The following RNF152 variants were observed in gnomAD, a reference collection of about 807,000 sequenced individuals.
The protein encoded by RNF152 is E3 ubiquitin-protein ligase RNF152.
In RNF152, 11 loss-of-function variants were observed where a neutral mutation model predicts 12.7. That is an observed-to-expected ratio of 0.86 (90% CI 0.54 to 1.43). The LOEUF is 1.43. Among genes scored for constraint, RNF152 ranks in the 40% most tolerant of loss-of-function variants. RNF152 has a pLI of 0.00. For synonymous variants in RNF152, 113 were observed against 120.3 expected, an observed-to-expected ratio of 0.94 and a Z score of 0.40; for missense variants, 255 against 274.8, an observed-to-expected ratio of 0.93 and a Z score of 0.51.
At chr18:61,831,247 C>T (rs1339854110) in intron 1 of RNF152, among the ~76,000 whole-genome samples, 1 of 152,194 alleles carries the variant, frequency 6.6e-6, no homozygotes, top group Non-Finnish European at 1.5e-5. Context: ...TAGTCCACAG[C>T]CACTTCTCGT....
chr18:61,852,352 G>A (rs1432938868), intron 1 of RNF152, among the ~76,000 whole-genome samples: 2 of 152,212 alleles, frequency 1.3e-5, no homozygotes, highest in African/African-American at 4.8e-5. Context: ...AATGTTGGCT[G>A]ATTGAAAATG....
At chr18:61,864,459 T>A (rs1911638442) in intron 1 of RNF152, among the ~76,000 whole-genome samples, 1 of 152,224 alleles carries the variant, frequency 6.6e-6, no homozygotes, top group South Asian at 2.1e-4. Context: ...AGAGCTTCCA[T>A]GACCTCTTGG....
intron 1 of RNF152, among the ~76,000 whole-genome samples, chr18:61,864,889 G>A (rs931358854): frequency 1.6e-4 from 24 of 152,130 alleles, no homozygotes; most frequent in South Asian, 4.1e-4. Context: ...GCGTGGTGGC[G>A]CGTGCCTGTA....
At chr18:61,856,115 C>A (rs182255642) in intron 1 of RNF152, among the ~76,000 whole-genome samples, 1 of 152,122 alleles carries the variant, frequency 6.6e-6, no homozygotes, top group Non-Finnish European at 1.5e-5. Context: ...CTTCCAAGTT[C>A]TTTTCCAATT....
intron 1 of RNF152, 72 bp from the exon 2 acceptor site, chr18:61,816,670 T>C (rs552120980): frequency 1.0e-4 from 55 of 548,780 alleles, no homozygotes; most frequent in African/African-American, 9.9e-4. Flanking sequence ...ATCTAATGGA[T>C]TTATACCATT....
intron 1 of RNF152, among the ~76,000 whole-genome samples, chr18:61,865,603 T>C (rs575502440): frequency 6.6e-6 from 1 of 152,242 alleles, no homozygotes; most frequent in African/African-American, 2.4e-5. Flanking sequence ...AAGTACTAGA[T>C]AATCCCCTGC....
intron 1 of RNF152, among the ~76,000 whole-genome samples, chr18:61,863,286 T>A (rs1051678185): frequency 6.6e-6 from 1 of 151,840 alleles, no homozygotes; most frequent in Non-Finnish European, 1.5e-5. Flanking sequence ...TACAAAAAAA[T>A]TAGCCAGGCG....
chr18:61,820,860 GT>G (rs1382229904), intron 1 of RNF152, among the ~76,000 whole-genome samples: 2 of 152,160 alleles, frequency 1.3e-5, no homozygotes, highest in Non-Finnish European at 2.9e-5. Context: ...GCCTAGCTCT[GT>G]CACTAACCAG....
chr18:61,849,329 A>C (rs111505725), intron 1 of RNF152, among the ~76,000 whole-genome samples: 174 of 152,340 alleles, frequency 1.1e-3, no homozygotes, highest in African/African-American at 3.9e-3. Context: ...GCTACCTTGA[A>C]GTTAACCCTG....
At chr18:61,847,044 C>T (rs1910770935) in intron 1 of RNF152, among the ~76,000 whole-genome samples, 1 of 151,902 alleles carries the variant, frequency 6.6e-6, no homozygotes, top group African/African-American at 2.4e-5. Context: ...GCAAGGTATC[C>T]AGCCCAGTAG....
intron 1 of RNF152, among the ~76,000 whole-genome samples, chr18:61,829,232 G>A (rs1187439477): frequency 1.3e-5 from 2 of 152,178 alleles, no homozygotes; most frequent in Non-Finnish European, 2.9e-5. Context: ...AGGCAGGAAG[G>A]AGACGCAGGG....
chr18:61,881,212 TTC>T (rs1912450903), intron 1 of RNF152, among the ~76,000 whole-genome samples: 1 of 152,182 alleles, frequency 6.6e-6, no homozygotes, highest in South Asian at 2.1e-4. Flanking sequence ...GCACCCGGCC[TTC>T]TCTCTCTCGT....
intron 1 of RNF152, among the ~76,000 whole-genome samples, chr18:61,829,531 A>AGAGAGAGAGAGATACTGGGAGAGG (rs1909835141): frequency 6.6e-6 from 1 of 150,778 alleles, no homozygotes; most frequent in African/African-American, 2.5e-5. Flanking sequence ...GGAGGGAGAG[A>AGAGAGAGAGAGATACTGGGAGAGG]GAGAGAGAGA....
Position 61,824,508 on chromosome 18 carries a change from G to C in RNF152, c.-135-7910C>G, listed in dbSNP as rs1018340409. Among the ~76,000 whole-genome samples the C allele has an allele frequency of 3.3e-5, 5 of 152,178 alleles. 1 individual carries two copies. The East Asian group carries it at 9.6e-4, about 29-fold the overall frequency. On this transcript the variant is annotated intron_variant, in intron 1 of 1. Transcript: ENST00000312828. The stretch of plus-strand genomic sequence containing the variant: ...GCATTTATGTGAGATGGGGGAGTGG[G>C]CATATAAACTACTTAGAAATTTCTC...
At chr18:61,890,706 T>G (rs941121622) in intron 1 of RNF152, among the ~76,000 whole-genome samples, 13 of 152,190 alleles carry the variant, frequency 8.5e-5, no homozygotes, top group Non-Finnish European at 2.9e-5. Context: ...GTTTCAAAAT[T>G]CAACTTCATC....
At chr18:61,843,337 T>C (rs1267044428) in intron 1 of RNF152, among the ~76,000 whole-genome samples, 1 of 152,240 alleles carries the variant, frequency 6.6e-6, no homozygotes, top group African/African-American at 2.4e-5. Context: ...CCTTCAGGAT[T>C]GTTGGCTATT....
chr18:61,872,618 C>A (rs1466409530), intron 1 of RNF152, among the ~76,000 whole-genome samples: 1 of 152,132 alleles, frequency 6.6e-6, no homozygotes, highest in Non-Finnish European at 1.5e-5. Flanking sequence ...TTCTGGTTTG[C>A]CCTACATTTG....
chr18:61,826,320 C>T (rs1303969415), intron 1 of RNF152, among the ~76,000 whole-genome samples: 1 of 152,148 alleles, frequency 6.6e-6, no homozygotes, highest in Non-Finnish European at 1.5e-5. Context: ...ACCATAAATC[C>T]CCTCTTCAGG....
intron 1 of RNF152, among the ~76,000 whole-genome samples, chr18:61,837,013 T>C (rs1347960793): frequency 3.3e-5 from 5 of 152,186 alleles, no homozygotes; most frequent in Non-Finnish European, 7.4e-5. Flanking sequence ...AGATATCACC[T>C]TAACCAAAGA....
Sources: gnomAD v4.1 joint callset for allele counts (sites outside exome capture counted in the v4.1 genomes callset) on GRCh38, gnomAD v4.1.1 for gene constraint, MANE v1.5 for transcripts, NCBI Gene and HGNC (gene_info 2026-07-23, HGNC 2026-07-21) for gene names.